Variants in KHDRBS2 observed in about 807,000 individuals in gnomAD.
KHDRBS2 encodes the protein KH domain-containing, RNA-binding, signal transduction-associated protein 2.
Under a neutral mutation model 44.3 loss-of-function variants are expected in KHDRBS2, and 26 were observed. The ratio of observed to expected loss-of-function variants is 0.59; its 90% CI spans 0.43 to 0.81. The LOEUF is 0.81. Ranked by LOEUF, KHDRBS2 falls within the 40% of genes least tolerant of loss-of-function variation. The pLI is 0.00. For missense variants in KHDRBS2, 476 were observed against 433.1 expected (o/e 1.10, Z -0.88); for synonymous variants, 194 against 151.1 (o/e 1.28, Z -2.08).
chr6:62,262,306 G>T (rs1838479655), intron 1 of KHDRBS2, among the ~76,000 whole-genome samples: 1 of 151,722 alleles, frequency 6.6e-6, no homozygotes, highest in Non-Finnish European at 1.5e-5. Flanking sequence ...ACTGAAATGA[G>T]GACTCAGGAA....
intron 1 of KHDRBS2, among the ~76,000 whole-genome samples, chr6:62,199,810 C>T (rs977277927): frequency 2.0e-5 from 3 of 152,168 alleles, no homozygotes; most frequent in Non-Finnish European, 4.4e-5. Flanking sequence ...AAGATGGAGG[C>T]ATCACGCTAC....
At chr6:61,817,714 T>C (rs968826210) in intron 6 of KHDRBS2, among the ~76,000 whole-genome samples, 1 of 152,088 alleles carries the variant, frequency 6.6e-6, no homozygotes, top group Non-Finnish European at 1.5e-5. Context: ...TACAATGCCC[T>C]GAAATTTCAC....
chr6:61,571,621 T>A, the KHDRBS2 span, among the ~76,000 whole-genome samples: 1 of 152,090 alleles, frequency 6.6e-6, no homozygotes, highest in Non-Finnish European at 1.5e-5. Flanking sequence ...ATTCTTTTCT[T>A]CAGTACAGGG....
chr6:62,189,034 G>C (rs1399209860), intron 1 of KHDRBS2, among the ~76,000 whole-genome samples: 9 of 152,064 alleles, frequency 5.9e-5, no homozygotes, highest in Non-Finnish European at 1.2e-4. Flanking sequence ...AGAATTGCTT[G>C]AACACGGGAG....
At chr6:61,568,466 G>A in the KHDRBS2 span, among the ~76,000 whole-genome samples, 1 of 152,282 alleles carries the variant, frequency 6.6e-6, no homozygotes, top group South Asian at 2.1e-4. Flanking sequence ...AGCATGTGGA[G>A]ACTCACAGTA....
intron 6 of KHDRBS2, among the ~76,000 whole-genome samples, chr6:61,822,076 G>T (rs1161587566): frequency 6.6e-6 from 1 of 151,868 alleles, no homozygotes; most frequent in African/African-American, 2.4e-5. Flanking sequence ...TCATTTCAAT[G>T]ACTTCCATAG....
chr6:61,588,862 T>C, the KHDRBS2 span, among the ~76,000 whole-genome samples: 25 of 152,066 alleles, frequency 1.6e-4, no homozygotes, highest in Non-Finnish European at 2.9e-4. Flanking sequence ...GTGGCACATA[T>C]AAACCATGGA....
At chr6:61,596,693 C>A in the KHDRBS2 span, among the ~76,000 whole-genome samples, 1 of 152,200 alleles carries the variant, frequency 6.6e-6, no homozygotes, top group Non-Finnish European at 1.5e-5. Context: ...CACACTGTCA[C>A]CAGGCTGGAG....
At chr6:62,098,251 T>C (rs1173761120) in intron 2 of KHDRBS2, among the ~76,000 whole-genome samples, 1 of 151,922 alleles carries the variant, frequency 6.6e-6, no homozygotes, top group African/African-American at 2.4e-5. Flanking sequence ...AACGTTTTTT[T>C]TTTTTTTTTT....
chr6:61,905,572 G>T (rs1340863992), intron 4 of KHDRBS2, among the ~76,000 whole-genome samples: 1 of 152,174 alleles, frequency 6.6e-6, no homozygotes, highest in African/African-American at 2.4e-5. Context: ...GTATATTTGA[G>T]TGTCAACTAC....
chr6:62,057,037 T>C (rs1434564944), intron 2 of KHDRBS2, among the ~76,000 whole-genome samples: 1 of 151,926 alleles, frequency 6.6e-6, no homozygotes, highest in Non-Finnish European at 1.5e-5. Context: ...GAAGAGCCAG[T>C]AGAATGAAGA....
intron 1 of KHDRBS2, among the ~76,000 whole-genome samples, chr6:62,268,957 T>C (rs1477695142): frequency 6.6e-6 from 1 of 152,076 alleles, no homozygotes; most frequent in African/African-American, 2.4e-5. Context: ...ACACAAACCT[T>C]CATTGTATTT....
intron 3 of KHDRBS2, among the ~76,000 whole-genome samples, chr6:62,006,799 A>C (rs530009101): frequency 6.6e-6 from 1 of 152,208 alleles, no homozygotes; most frequent in African/African-American, 2.4e-5. Flanking sequence ...ACAAGAAAAA[A>C]TAATAAAGCA....
chr6:61,795,642 T>C (rs1785233225), intron 6 of KHDRBS2, among the ~76,000 whole-genome samples: 1 of 152,214 alleles, frequency 6.6e-6, no homozygotes, highest in Non-Finnish European at 1.5e-5. Context: ...AGGTTTTACT[T>C]GCCACAATTT....
At chr6:61,851,517 G>A (rs189284984) in intron 6 of KHDRBS2, among the ~76,000 whole-genome samples, 27 of 152,116 alleles carry the variant, frequency 1.8e-4, no homozygotes, top group African/African-American at 5.8e-4. Context: ...ACTCCATTAC[G>A]ACTGGTATCA....
the KHDRBS2 span, among the ~76,000 whole-genome samples, chr6:61,626,353 GT>G: frequency 6.6e-6 from 1 of 152,162 alleles, no homozygotes; most frequent in African/African-American, 2.4e-5. Context: ...GTCTTCTGTT[GT>G]TTCTTAGCTG....
At chr6:61,730,517 T>G (rs749608677) in intron 7 of KHDRBS2, among the ~76,000 whole-genome samples, 1 of 152,210 alleles carries the variant, frequency 6.6e-6, no homozygotes, top group East Asian at 1.9e-4. Flanking sequence ...ATAGGGGACA[T>G]GTACACAAAT....
At chr6:61,973,333 G>C (rs1488564476) in intron 4 of KHDRBS2, among the ~76,000 whole-genome samples, 1 of 151,906 alleles carries the variant, frequency 6.6e-6, no homozygotes, top group African/African-American at 2.4e-5. Flanking sequence ...TTACTTACCA[G>C]TATGATTGCT....
At chr6:62,241,862 C>T (rs887103362) in intron 1 of KHDRBS2, among the ~76,000 whole-genome samples, 9 of 151,916 alleles carry the variant, frequency 5.9e-5, no homozygotes, top group Admixed American at 1.3e-4. Context: ...AGTCTGGCTC[C>T]GAAAATAATG....
Sources: gnomAD v4.1 joint callset for allele counts (sites outside exome capture counted in the v4.1 genomes callset) on GRCh38, gnomAD v4.1.1 for gene constraint, MANE v1.5 for transcripts, NCBI Gene and HGNC (gene_info 2026-07-23, HGNC 2026-07-21) for gene names.